The following NEUROD1 variants were observed in gnomAD, a reference collection of about 807,000 sequenced individuals.
NEUROD1 encodes neurogenic differentiation factor 1.
NEUROD1 carries 9 observed loss-of-function variants against 21.8 expected under a neutral mutation model. The ratio of observed to expected loss-of-function variants is 0.41; its 90% CI spans 0.25 to 0.72. NEUROD1 has a LOEUF of 0.72. NEUROD1 is among the 30% of genes least tolerant of loss of function. The pLI is 0.31. For synonymous variants in NEUROD1, 199 were observed against 186.2 expected (o/e 1.07, Z -0.56); for missense variants, 434 against 468.8 (o/e 0.93, Z 0.69).
downstream of NEUROD1, chr2:181,673,189 C>T (rs1249009148): frequency 6.6e-6 from 1 of 152,216 alleles, no homozygotes; most frequent in Non-Finnish European, 1.5e-5. Context: ...GAGACTGTGG[C>T]CCTGTCTTGT....
At chr2:181,674,261 T>A (rs1423968209), downstream of NEUROD1, among the ~76,000 whole-genome samples, 1 of 152,198 alleles carries the variant, frequency 6.6e-6, no homozygotes. Context: ...TGGCTCAAGA[T>A]GAAGAAACAG....
chr2:181,671,654 C>T (rs1334876948), downstream of NEUROD1, among the ~76,000 whole-genome samples: 3 of 152,106 alleles, frequency 2.0e-5, no homozygotes, highest in Admixed American at 2.0e-4. Flanking sequence ...TGGTCTTGAA[C>T]TCCTAGGCTC....
Position 181,676,725 on chromosome 2 carries a change from T to C in NEUROD1, c.*1065A>G, listed in dbSNP as rs1021987003. ...GATATAAATCCCAACATTAACAACC[T>C]GATTAGATTTAGGCTCAGATTTATT... On this transcript the variant is annotated 3_prime_UTR_variant, in exon 2 of 2. Transcript: ENST00000295108. The C allele has an allele frequency of 6.6e-6, 1 of 152,610 alleles. No homozygotes were observed. The highest frequency in any genetic ancestry group is 6.5e-5 in the Admixed American group (1 of 15,288). 9.5% of individuals were successfully genotyped at this position (152,610 alleles called of 1,614,324 possible).
chr2:181,671,537 C>A (rs1688499017), downstream of NEUROD1, among the ~76,000 whole-genome samples: 6 of 151,766 alleles, frequency 4.0e-5, no homozygotes, highest in Admixed American at 3.9e-4. Context: ...CTCAGGTGAT[C>A]CTCCCACCTG....
chr2:181,678,695 C>T lies in NEUROD1; in HGVS notation c.166G>A (p.Gly56Arg), dbSNP rs755021991. The change falls in exon 2 of 2, where the codon GGG (glycine) becomes AGG (arginine). Residue 56 changes from glycine to arginine, a missense_variant. Physicochemically the swap from Gly to Arg is moderately radical, Grantham distance 125. Transcript: ENST00000295108. The surrounding 1 kb of genome is among the most constrained non-coding windows in gnomAD (Gnocchi z 5.5). ...MNAEEDSLRN[G>R]GEEEDEDEDL... ...TCATCTTCGTCCTCCTCCTCTCCCC[C>T]GTTCCTCAGTGAGTCCTCCTCTGCG... is the stretch of plus-strand genomic sequence containing the variant. 5.6e-6 allele frequency: 9 copies of T among 1,611,448 alleles called. No individual in the cohort carries two copies. The highest frequency in any genetic ancestry group is 2.7e-5 in the African/African-American group (2 of 74,860).
chr2:181,679,010 CCT>C, intron 1 of NEUROD1, 139 bp from the exon 2 acceptor site: 1 of 1,036,922 alleles, frequency 9.6e-7, no homozygotes, highest in Non-Finnish European at 1.4e-6. Flanking sequence ...AAAATGAATG[CCT>C]CTGAGAAAAA....
At chr2:181,671,930 C>T (rs759700109), downstream of NEUROD1, among the ~76,000 whole-genome samples, 1 of 152,146 alleles carries the variant, frequency 6.6e-6, no homozygotes, top group African/African-American at 2.4e-5. Context: ...TAACTGACAC[C>T]ATTGAGCGCG....
rs1303012699 is a variant in NEUROD1, at chr2:181,676,614, T to C, written c.*1176A>G. On this transcript the variant is annotated 3_prime_UTR_variant, in exon 2 of 2. Transcript: ENST00000295108. Reference sequence around the variant, plus strand: ...ATCTCAAACAGCACTTATTCTGGACTGCATTTTACATGCAATAGCTATTGT... The same window carrying C: ...ATCTCAAACAGCACTTATTCTGGACCGCATTTTACATGCAATAGCTATTGT... 6.6e-6 allele frequency: 1 copy of C among 152,630 alleles called. No individual in the cohort carries two copies. The highest frequency in any genetic ancestry group is 1.5e-5 in the Non-Finnish European group (1 of 68,008). 9.5% of individuals were successfully genotyped at this position (152,630 alleles called of 1,614,324 possible). A position where few individuals can be genotyped will look rare whatever the true frequency, so the allele number is the denominator to read the frequency against.
rs1286912052 is a variant in NEUROD1, at chr2:181,678,689, C to T, written c.172G>A (p.Glu58Lys). The change falls in exon 2 of 2, where the codon GAG (glutamate) becomes AAG (lysine). Residue 58 changes from glutamate to lysine, a missense_variant. By Grantham distance (56) the Glu-to-Lys change is moderately conservative. Coordinates refer to ENST00000295108, the MANE Select transcript of NEUROD1 (RefSeq NM_002500.5). The surrounding 1 kb of genome is among the most constrained non-coding windows in gnomAD (Gnocchi z 5.5). ...AGGTCCTCATCTTCGTCCTCCTCCTCTCCCCCGTTCCTCAGTGAGTCCTCC... is the reference window on the plus strand; with the variant it reads ...AGGTCCTCATCTTCGTCCTCCTCCTTTCCCCCGTTCCTCAGTGAGTCCTCC... ...AEEDSLRNGGEEEDEDEDLEE... is the reference protein window; with the variant it reads ...AEEDSLRNGGKEEDEDEDLEE... The T allele has an allele frequency of 2.5e-6, 4 of 1,611,660 alleles. No individual in the cohort carries two copies. The highest frequency in any genetic ancestry group is 3.4e-6 in the Non-Finnish European group (4 of 1,178,802).
chr2:181,673,922 A>G (rs1261780187), downstream of NEUROD1, among the ~76,000 whole-genome samples: 1 of 152,180 alleles, frequency 6.6e-6, no homozygotes, highest in African/African-American at 2.4e-5. Flanking sequence ...TTTATTTCAA[A>G]TGGTATTTTA....
At position 181,676,858 on chromosome 2, in the gene NEUROD1, C is replaced by A. The variant is rs1430631378; in HGVS notation, c.*932G>T. 6.6e-6 allele frequency: 1 copy of A among 152,394 alleles called. No homozygotes were observed. Among genetic ancestry groups the A allele is most frequent in the Non-Finnish European group, 1.5e-5 (1 of 67,968 alleles). The allele number at this position is 152,394 out of a possible 1,614,324, so 9.4% of individuals were successfully genotyped here. A position where few individuals can be genotyped will look rare whatever the true frequency, so the allele number is the denominator to read the frequency against. On this transcript the variant is annotated 3_prime_UTR_variant, in exon 2 of 2. Coordinates refer to ENST00000295108, the MANE Select transcript of NEUROD1 (RefSeq NM_002500.5). Reference sequence around the variant, plus strand: ...AGATTCTCTGTAAAATCATGGAATGCAAAGGAGTAAAAGACTAAAAAGTAA... The same window carrying A: ...AGATTCTCTGTAAAATCATGGAATGAAAAGGAGTAAAAGACTAAAAAGTAA...
At position 181,678,095 on chromosome 2, in the gene NEUROD1, A is replaced by T. The variant is rs556602572; in HGVS notation, c.766T>A (p.Phe256Ile). The T allele has an allele frequency of 3.1e-6, 5 of 1,614,222 alleles. No homozygotes were observed. The highest frequency in any genetic ancestry group is 4.2e-6 in the Non-Finnish European group (5 of 1,180,044). Residue 256 changes from phenylalanine to isoleucine, a missense_variant, in exon 2 of 2, where the codon TTC (phenylalanine) becomes ATC (isoleucine). Phe to Ile is a conservative substitution (Grantham distance 21, BLOSUM62 0). Transcript: ENST00000295108. This position sits in a 1 kb window ranked among gnomAD's most constrained non-coding sequence, Gnocchi z 5.5. ...CAATCAGTCAGAGGGCTTTCAAAGA[A>T]GGGCTCCAGCGCTGCGCTGTAGGCG... ...PHAYSAALEP[F>I]FESPLTDCTS...
rs770662675 is a variant in NEUROD1, at chr2:181,678,586, GTCA to G, written c.272_274del (p.Met91del). 1.2e-6 allele frequency: 2 copies of G among 1,614,118 alleles called. No homozygotes were observed. Among genetic ancestry groups the G allele is most frequent in the African/African-American group, 2.7e-5 (2 of 74,946 alleles). ...TTTAAAACGCTCCAGGCGAGCCTTA[GTCA>G]TCTTCTTCTTTTTGGGGCCGCGTCT... On this transcript the variant is annotated inframe_deletion, in exon 2 of 2. Transcript: ENST00000295108. This position sits in a 1 kb window ranked among gnomAD's most constrained non-coding sequence, Gnocchi z 5.5.
chr2:181,674,902 T>C (rs1053637105), downstream of NEUROD1, among the ~76,000 whole-genome samples: 1 of 152,208 alleles, frequency 6.6e-6, no homozygotes, highest in African/African-American at 2.4e-5. Context: ...GCTGGAATTC[T>C]CAAAATGGCA....
At chr2:181,669,140 G>A (rs977876065), downstream of NEUROD1, among the ~76,000 whole-genome samples, 4 of 151,934 alleles carry the variant, frequency 2.6e-5, no homozygotes, top group Non-Finnish European at 5.9e-5. Context: ...CTATGTCCAG[G>A]GTTTTCTCCA....
chr2:181,673,642 G>T (rs1553528632), downstream of NEUROD1: 1 of 152,220 alleles, frequency 6.6e-6, no homozygotes, highest in Non-Finnish European at 1.5e-5. Context: ...TGTAGTTTAA[G>T]AAGCAGTTTT....
downstream of NEUROD1, among the ~76,000 whole-genome samples, chr2:181,669,600 G>A (rs574500105): frequency 5.3e-4 from 80 of 152,292 alleles, no homozygotes; most frequent in African/African-American, 1.8e-3. Context: ...TTATCAGTCA[G>A]CAGAGGCAGA....
At chr2:181,674,108 T>G (rs1006046038), downstream of NEUROD1, among the ~76,000 whole-genome samples, 2 of 152,210 alleles carry the variant, frequency 1.3e-5, no homozygotes, top group African/African-American at 4.8e-5. Flanking sequence ...ATAGTAATTA[T>G]GCATGTTACA....
At position 181,677,144 on chromosome 2, in the gene NEUROD1, T is replaced by TTTTTTTTTG; in HGVS notation, c.*645_*646insCAAAAAAAA. The TTTTTTTTTG allele has an allele frequency of 7.5e-6, 1 of 133,102 alleles. No individual in the cohort carries two copies. The highest frequency in any genetic ancestry group is 1.5e-5 in the Non-Finnish European group (1 of 65,652). The allele number at this position is 133,102 out of a possible 1,614,324, so 8.2% of individuals were successfully genotyped here. On this transcript the variant is annotated 3_prime_UTR_variant, in exon 2 of 2. Coordinates refer to ENST00000295108, the MANE Select transcript of NEUROD1 (RefSeq NM_002500.5). ...TTTTTTTTTTTTTTTTTTTTTTTTT[T>TTTTTTTTTG]TTACAATTGGAGAGGAAAGAAGTGC...
Sources: allele counts gnomAD v4.1 joint callset (sites outside exome capture counted in the v4.1 genomes callset), GRCh38; gene constraint gnomAD v4.1.1; non-coding constraint Gnocchi (gnomAD v3.1); transcripts MANE v1.5; gene names NCBI Gene and HGNC (gene_info 2026-07-23, HGNC 2026-07-21).